The following RSPH14 variants were observed in gnomAD, a reference collection of about 807,000 sequenced individuals.
The protein encoded by RSPH14 is rhabdoid tumor deletion region gene 1.
RSPH14 carries 20 observed loss-of-function variants against 26.7 expected under a neutral mutation model. The ratio of observed to expected loss-of-function variants is 0.75; its 90% CI spans 0.53 to 1.09. The LOEUF (loss-of-function observed/expected upper bound fraction) is 1.09. RSPH14 is among the 50% of genes least tolerant of loss of function. RSPH14 has a pLI of 0.00. For missense variants in RSPH14, 449 were observed against 457.2 expected, an observed-to-expected ratio of 0.98 and a Z score of 0.16; for synonymous variants, 177 against 189.3, an observed-to-expected ratio of 0.93 and a Z score of 0.53.
chr22:23,171,913 G>A, the RSPH14 span, among the ~76,000 whole-genome samples: 5 of 151,194 alleles, frequency 3.3e-5, no homozygotes, highest in African/African-American at 9.7e-5. Context: ...AGCCAGGATC[G>A]GTGGCACATA....
intron 4 of RSPH14, 107 bp from the exon 5 acceptor site, chr22:23,064,240 T>G: frequency 9.4e-7 from 1 of 1,064,600 alleles, no homozygotes; most frequent in South Asian, 1.4e-5. Flanking sequence ...AGTGGGTGGG[T>G]TTGACAAAAG....
At chr22:23,152,508 A>G in the RSPH14 span, 1 of 1,614,142 alleles carries the variant, frequency 6.2e-7, no homozygotes, top group Non-Finnish European at 8.5e-7. Flanking sequence ...TACGTGGGGA[A>G]GACCAGCCTC....
chr22:23,100,764 C>G (rs896428365), intron 4 of RSPH14, among the ~76,000 whole-genome samples: 9 of 152,162 alleles, frequency 5.9e-5, no homozygotes, highest in Non-Finnish European at 1.0e-4. Flanking sequence ...AGCTGGAGCT[C>G]CAGAGCCCTG....
intron 4 of RSPH14, among the ~76,000 whole-genome samples, chr22:23,076,723 A>T (rs1024681393): frequency 3.3e-5 from 5 of 152,344 alleles, no homozygotes; most frequent in Middle Eastern, 6.8e-3. Flanking sequence ...ATGTCTATGG[A>T]AAACTGTCCT....
At chr22:23,166,199 C>CCCAATGT in the RSPH14 span, among the ~76,000 whole-genome samples, 60 of 146,084 alleles carry the variant, frequency 4.1e-4, 1 homozygote, top group Middle Eastern at 3.6e-3. Context: ...AGAGACAAGC[C>CCCAATGT]CCAATGTGTA....
chr22:23,066,519 G>A (rs2068213996), intron 4 of RSPH14, among the ~76,000 whole-genome samples: 1 of 152,114 alleles, frequency 6.6e-6, no homozygotes, highest in African/African-American at 2.4e-5. Context: ...CTTAGCACAG[G>A]GACCGGGGTT....
chr22:23,075,132 T>C (rs1162457427), intron 4 of RSPH14, among the ~76,000 whole-genome samples: 1 of 152,134 alleles, frequency 6.6e-6, no homozygotes, highest in Non-Finnish European at 1.5e-5. Flanking sequence ...GGGGATGTAG[T>C]GGCCCCTGTG....
chr22:23,161,437 C>G, the RSPH14 span: 7 of 1,407,304 alleles, frequency 5.0e-6, no homozygotes, highest in African/African-American at 9.9e-5. Flanking sequence ...GGCCGGCATC[C>G]CCTGCCCAGT....
At chr22:23,092,269 C>T (rs971849987) in intron 4 of RSPH14, among the ~76,000 whole-genome samples, 8 of 152,208 alleles carry the variant, frequency 5.3e-5, no homozygotes, top group Non-Finnish European at 1.2e-4. Flanking sequence ...AGTCAAGCCT[C>T]AGAATAGGTG....
At chr22:23,154,983 G>A in the RSPH14 span, among the ~76,000 whole-genome samples, 1 of 152,156 alleles carries the variant, frequency 6.6e-6, no homozygotes. Flanking sequence ...AAATTAGCCA[G>A]GCACAGTGGT....
chr22:23,105,175 A>G (rs2069427708), intron 4 of RSPH14, among the ~76,000 whole-genome samples: 3 of 152,170 alleles, frequency 2.0e-5, no homozygotes, highest in Non-Finnish European at 2.9e-5. Context: ...ACAGCCCCAC[A>G]CACCTTTTCC....
intron 4 of RSPH14, among the ~76,000 whole-genome samples, chr22:23,125,932 A>G (rs544109905): frequency 2.0e-5 from 3 of 152,308 alleles, no homozygotes; most frequent in African/African-American, 7.2e-5. Flanking sequence ...CATGCACACA[A>G]GCACATGCAC....
chr22:23,085,512 C>T (rs959975404), intron 4 of RSPH14, among the ~76,000 whole-genome samples: 5 of 152,154 alleles, frequency 3.3e-5, no homozygotes, highest in African/African-American at 9.7e-5. Flanking sequence ...TTAGGAGCAA[C>T]GGGAGAAGCA....
At chr22:23,119,117 C>G in intron 4 of RSPH14, among the ~76,000 whole-genome samples, 1 of 152,350 alleles carries the variant, frequency 6.6e-6, no homozygotes, top group Middle Eastern at 3.4e-3. Flanking sequence ...ATAGACGGCT[C>G]TGTTTTCAGT....
chr22:23,157,427 G>C, the RSPH14 span, among the ~76,000 whole-genome samples: 4 of 151,880 alleles, frequency 2.6e-5, no homozygotes, highest in Non-Finnish European at 4.4e-5. Context: ...ATTTTTTTGT[G>C]TGTGTGTATT....
intron 4 of RSPH14, among the ~76,000 whole-genome samples, chr22:23,117,822 A>G (rs139854302): frequency 6.6e-6 from 1 of 152,364 alleles, no homozygotes; most frequent in East Asian, 1.9e-4. Flanking sequence ...GGCCAGGGAC[A>G]TCTGCCCCTT....
At chr22:23,143,476 T>C (rs1330847493), upstream of RSPH14, among the ~76,000 whole-genome samples, 1 of 152,116 alleles carries the variant, frequency 6.6e-6, no homozygotes, top group Non-Finnish European at 1.5e-5. Flanking sequence ...AGACTAAGAA[T>C]TGGGGACTGC....
At chr22:23,061,407 T>A (rs1229655416) in intron 6 of RSPH14, among the ~76,000 whole-genome samples, 1 of 151,872 alleles carries the variant, frequency 6.6e-6, no homozygotes, top group Admixed American at 6.6e-5. Flanking sequence ...TTAAGAAAAA[T>A]AATTAGGATG....
At chr22:23,067,463 T>A (rs1218562302) in intron 4 of RSPH14, among the ~76,000 whole-genome samples, 1 of 152,208 alleles carries the variant, frequency 6.6e-6, no homozygotes, top group Non-Finnish European at 1.5e-5. Context: ...ACACATGGCA[T>A]CTGGGGCCCA....
Sources: gnomAD v4.1 joint callset for allele counts (sites outside exome capture counted in the v4.1 genomes callset) on GRCh38, gnomAD v4.1.1 for gene constraint, MANE v1.5 for transcripts, NCBI Gene and HGNC (gene_info 2026-07-23, HGNC 2026-07-21) for gene names.